The following TMEM17 variants were observed in gnomAD, a reference collection of about 807,000 sequenced individuals.
The protein encoded by TMEM17 is transmembrane protein 17.
In TMEM17, 15 loss-of-function variants were observed where a neutral mutation model predicts 19.1. The ratio of observed to expected loss-of-function variants is 0.78; its 90% CI spans 0.52 to 1.21. The LOEUF (loss-of-function observed/expected upper bound fraction) is 1.21, where lower values mean the gene tolerates loss of function less well. Ranked by LOEUF, TMEM17 falls within the 50% of genes most tolerant of loss-of-function variation. The pLI is 0.00. For synonymous variants in TMEM17, 103 were observed against 86.9 expected (o/e 1.19, Z -1.03); for missense variants, 245 against 242.3 (o/e 1.01, Z -0.07).
chr2:62,473,707 C>T, the TMEM17 span, among the ~76,000 whole-genome samples: 2 of 152,136 alleles, frequency 1.3e-5, no homozygotes, highest in Admixed American at 1.3e-4. Context: ...TTCAGACAGC[C>T]TCAGGAATAC....
the TMEM17 span, among the ~76,000 whole-genome samples, chr2:62,457,258 T>C: frequency 6.6e-6 from 1 of 152,218 alleles, no homozygotes; most frequent in Non-Finnish European, 1.5e-5. The surrounding 1 kb of genome is among the most constrained non-coding windows in gnomAD (Gnocchi z 4.2). Flanking sequence ...TTTTGTGTCT[T>C]TCCACTTCTC....
At chr2:62,505,615 C>A (rs1680045514) in intron 1 of TMEM17, among the ~76,000 whole-genome samples, 1 of 152,184 alleles carries the variant, frequency 6.6e-6, no homozygotes, top group African/African-American at 2.4e-5. Flanking sequence ...TCATCCTGGA[C>A]AGAAAAGCCG....
In TMEM17 at chr2:62,500,678, CT is replaced by C. The variant is rs1168251555; in HGVS notation, c.*530del. On this transcript the variant is annotated 3_prime_UTR_variant, in exon 4 of 4. Coordinates refer to ENST00000335390, the MANE Select transcript of TMEM17 (RefSeq NM_198276.3). ...CCGTGTTAGCCAGGATGGTCTCGAT[CT>C]TCTGACCTCATGATCTGCCCACCTC... The C allele has an allele frequency of 2.0e-5, 3 of 151,496 alleles. No individual in the cohort carries two copies. The highest frequency in any genetic ancestry group is 2.0e-4 in the Admixed American group (3 of 15,160). 9.4% of individuals were successfully genotyped at this position (151,496 alleles called of 1,614,324 possible). A position where few individuals can be genotyped will look rare whatever the true frequency, so the allele number is the denominator to read the frequency against.
the TMEM17 span, among the ~76,000 whole-genome samples, chr2:62,457,416 C>G: frequency 6.6e-6 from 1 of 152,118 alleles, no homozygotes; most frequent in Admixed American, 6.5e-5. This position sits in a 1 kb window ranked among gnomAD's most constrained non-coding sequence, Gnocchi z 4.2. Context: ...GGGAAGGCCC[C>G]GGAGGGAGAG....
At chr2:62,479,183 TTG>T in the TMEM17 span, among the ~76,000 whole-genome samples, 1 of 152,234 alleles carries the variant, frequency 6.6e-6, no homozygotes, top group Non-Finnish European at 1.5e-5. Flanking sequence ...AGCTGTAATT[TTG>T]TATCCTTTAA....
chr2:62,457,926 C>G, the TMEM17 span, among the ~76,000 whole-genome samples: 2 of 152,314 alleles, frequency 1.3e-5, no homozygotes, highest in East Asian at 3.9e-4. The surrounding 1 kb of genome is among the most constrained non-coding windows in gnomAD (Gnocchi z 4.2). Flanking sequence ...GCTTATGTCT[C>G]TAGCCTCAGA....
At chr2:62,485,671 G>A in the TMEM17 span, among the ~76,000 whole-genome samples, 2,018 of 152,270 alleles carry the variant, frequency 0.013, 16 homozygotes, top group Non-Finnish European at 0.02. Context: ...TTAACACAAT[G>A]TATCCTTTTA....
At chr2:62,463,613 G>A in the TMEM17 span, among the ~76,000 whole-genome samples, 1 of 152,206 alleles carries the variant, frequency 6.6e-6, no homozygotes, top group East Asian at 1.9e-4. Flanking sequence ...ACAACCTGTA[G>A]TAAGACAAAT....
chr2:62,498,054 G>T (rs1679815779), downstream of TMEM17, among the ~76,000 whole-genome samples: 1 of 152,226 alleles, frequency 6.6e-6, no homozygotes, highest in Non-Finnish European at 1.5e-5. Context: ...AGTCATTCAA[G>T]TGTATGTTAA....
the TMEM17 span, among the ~76,000 whole-genome samples, chr2:62,464,231 A>C: frequency 6.6e-6 from 1 of 152,176 alleles, no homozygotes; most frequent in East Asian, 1.9e-4. Context: ...GTTAAAACTT[A>C]AGCTGTCTGT....
At chr2:62,470,839 A>G in the TMEM17 span, among the ~76,000 whole-genome samples, 3 of 152,220 alleles carry the variant, frequency 2.0e-5, no homozygotes, top group Non-Finnish European at 4.4e-5. Flanking sequence ...CAGGAGGAAC[A>G]CTGCAACCAA....
At chr2:62,477,222 C>T in the TMEM17 span, among the ~76,000 whole-genome samples, 1 of 152,108 alleles carries the variant, frequency 6.6e-6, no homozygotes, top group African/African-American at 2.4e-5. Flanking sequence ...CATAGTGAAA[C>T]CCCATCTCTA....
At chr2:62,464,719 G>A in the TMEM17 span, among the ~76,000 whole-genome samples, 4 of 152,202 alleles carry the variant, frequency 2.6e-5, no homozygotes, top group East Asian at 5.8e-4. Flanking sequence ...GTCTCCCGGA[G>A]CATTCAGGGA....
chr2:62,477,994 A>AG, the TMEM17 span, among the ~76,000 whole-genome samples: 1 of 152,242 alleles, frequency 6.6e-6, no homozygotes, highest in Non-Finnish European at 1.5e-5. Context: ...GCTCCCCAGT[A>AG]GTCCCACCAA....
chr2:62,481,698 G>GGTGTGTGTGTGT, the TMEM17 span, among the ~76,000 whole-genome samples: 1,310 of 144,120 alleles, frequency 9.1e-3, 8 homozygotes, highest in African/African-American at 0.017. Context: ...ACCCCTTAAA[G>GGTGTGTGTGTGT]GTGTGTGTGT....
downstream of TMEM17, among the ~76,000 whole-genome samples, chr2:62,497,084 A>G (rs1455224940): frequency 6.6e-6 from 1 of 152,210 alleles, no homozygotes; most frequent in Non-Finnish European, 1.5e-5. Context: ...AGACCCTCCT[A>G]ATATCTGTTT....
chr2:62,472,885 A>G, the TMEM17 span, among the ~76,000 whole-genome samples: 3 of 152,252 alleles, frequency 2.0e-5, no homozygotes, highest in South Asian at 2.1e-4. Flanking sequence ...GACTGTGTCA[A>G]GGTGGCAATT....
chr2:62,485,474 T>A, the TMEM17 span, among the ~76,000 whole-genome samples: 2 of 152,176 alleles, frequency 1.3e-5, no homozygotes, highest in African/African-American at 2.4e-5. Context: ...ACAAAAATAT[T>A]CATGCAATGG....
At chr2:62,459,281 G>C in the TMEM17 span, among the ~76,000 whole-genome samples, 1 of 152,236 alleles carries the variant, frequency 6.6e-6, no homozygotes, top group East Asian at 1.9e-4. Context: ...GCTGCAAAGA[G>C]GCAGGCCTTG....
Sources: gnomAD v4.1 joint callset for allele counts (sites outside exome capture counted in the v4.1 genomes callset) on GRCh38, gnomAD v4.1.1 for gene constraint, Gnocchi (gnomAD v3.1) non-coding constraint, MANE v1.5 for transcripts, NCBI Gene and HGNC (gene_info 2026-07-23, HGNC 2026-07-21) for gene names.